Variants in VAC14 observed in about 807,000 individuals in gnomAD.
VAC14 encodes protein VAC14 homolog.
In VAC14, 47 loss-of-function variants were observed where a neutral mutation model predicts 85.3. That is an observed-to-expected ratio of 0.55 (90% confidence interval 0.44 to 0.70). The LOEUF is 0.70. Among genes scored for constraint, VAC14 ranks in the 30% least tolerant of loss-of-function variants. VAC14 has a pLI of 0.00. For missense variants in VAC14, 861 were observed against 1,004.3 expected (o/e 0.86, Z 1.93); for synonymous variants, 447 against 430.5 (o/e 1.04, Z -0.47).
intron 18 of VAC14, chr16:70,689,681 C>T (rs905161770): frequency 1.2e-5 from 12 of 985,506 alleles, no homozygotes; most frequent in East Asian, 1.1e-4. Context: ...CTGGGCCTGG[C>T]GCTCCTGGCT....
chr16:70,695,694 C>A (rs149718718), intron 16 of VAC14, 71 bp from the exon 17 acceptor site: 12 of 1,429,960 alleles, frequency 8.4e-6, no homozygotes, highest in African/African-American at 5.6e-5. Flanking sequence ...CACACGCCCT[C>A]CCCCCCTGCA....
chr16:70,791,167 C>T (rs1469751217), intron 1 of VAC14, among the ~76,000 whole-genome samples: 1 of 152,208 alleles, frequency 6.6e-6, no homozygotes. Context: ...CATGCTGCAC[C>T]TCCCATCTGC....
intron 14 of VAC14, among the ~76,000 whole-genome samples, chr16:70,711,612 T>A (rs1431881726): frequency 6.6e-6 from 1 of 152,064 alleles, no homozygotes; most frequent in Non-Finnish European, 1.5e-5. Context: ...CTGACAGCCA[T>A]GTGGCCTGGC....
At chr16:70,799,879 A>C (rs2034693635) in intron 1 of VAC14, among the ~76,000 whole-genome samples, 1 of 152,234 alleles carries the variant, frequency 6.6e-6, no homozygotes, top group Non-Finnish European at 1.5e-5. Context: ...TGAACACTTG[A>C]AATACGGGTA....
intron 1 of VAC14, among the ~76,000 whole-genome samples, chr16:70,800,398 A>G (rs2034730027): frequency 6.6e-6 from 1 of 152,224 alleles, no homozygotes; most frequent in African/African-American, 2.4e-5. Context: ...GCTGGGTAAG[A>G]AACCAGGCTG....
chr16:70,730,146 T>A (rs945051876), intron 14 of VAC14, among the ~76,000 whole-genome samples: 7 of 151,736 alleles, frequency 4.6e-5, no homozygotes, highest in Non-Finnish European at 1.0e-4. Context: ...CAGTCTCGAA[T>A]CCTCATTCTC....
At chr16:70,690,385 G>T in intron 18 of VAC14, 1 of 985,646 alleles carries the variant, frequency 1.0e-6, no homozygotes, top group Non-Finnish European at 1.2e-6. Flanking sequence ...CCACCCTCGG[G>T]CACCGAGGCT....
At chr16:70,760,996 T>C (rs1283780629) in intron 12 of VAC14, among the ~76,000 whole-genome samples, 1 of 114,336 alleles carries the variant, frequency 8.7e-6, no homozygotes, top group African/African-American at 4.4e-5. Context: ...TGTGTGTGTG[T>C]GTGTGTGTGT....
chr16:70,753,788 G>C (rs529152545), intron 12 of VAC14, among the ~76,000 whole-genome samples: 1 of 152,326 alleles, frequency 6.6e-6, no homozygotes, highest in Admixed American at 6.5e-5. Flanking sequence ...GCTCTGCTGT[G>C]TGGCTTGAGC....
chr16:70,796,493 C>T (rs2034551702), intron 1 of VAC14, among the ~76,000 whole-genome samples: 1 of 152,134 alleles, frequency 6.6e-6, no homozygotes, highest in Admixed American at 6.5e-5. Flanking sequence ...TAGGGAAAAC[C>T]AGTCATGCAG....
intron 10 of VAC14, among the ~76,000 whole-genome samples, chr16:70,765,799 G>A (rs993262310): frequency 6.6e-6 from 1 of 152,174 alleles, no homozygotes; most frequent in African/African-American, 2.4e-5. Flanking sequence ...GCAGCTCCAG[G>A]TGTCCGTGGA....
intron 12 of VAC14, among the ~76,000 whole-genome samples, chr16:70,749,051 A>C (rs1009123273): frequency 2.0e-5 from 3 of 152,352 alleles, no homozygotes; most frequent in South Asian, 2.1e-4. Context: ...TATATGCGCA[A>C]TGGAGATTTG....
intron 10 of VAC14, 187 bp downstream of exon 10, chr16:70,771,922 G>C (rs1285639351): frequency 3.4e-6 from 2 of 592,500 alleles, no homozygotes; most frequent in South Asian, 2.1e-5. Context: ...ATCAAGCCTG[G>C]GTGGGGTGGG....
At chr16:70,707,566 G>A (rs2053944700) in intron 14 of VAC14, among the ~76,000 whole-genome samples, 1 of 152,138 alleles carries the variant, frequency 6.6e-6, no homozygotes, top group Non-Finnish European at 1.5e-5. Flanking sequence ...CTGGGTGGGA[G>A]CTGCCACAGA....
At chr16:70,758,993 G>A (rs1446504462) in intron 12 of VAC14, among the ~76,000 whole-genome samples, 4 of 152,216 alleles carry the variant, frequency 2.6e-5, no homozygotes, top group East Asian at 1.9e-4. Flanking sequence ...GGAGACTAAC[G>A]AGGTGTCACT....
intron 9 of VAC14, among the ~76,000 whole-genome samples, chr16:70,777,325 T>C (rs2033571632): frequency 6.6e-6 from 1 of 152,350 alleles, no homozygotes; most frequent in South Asian, 2.1e-4. Context: ...AAATTTTGTC[T>C]GAAACACACA....
In VAC14 at chr16:70,784,107, C is replaced by T. The variant is rs758692297; in HGVS notation, c.594+6G>A. Reference sequence around the variant, plus strand: ...GCTGGAGAAACGGTGTCCGGCCAGGCCTTACCCAGGAGATGATGAACTGCC... The same window carrying T: ...GCTGGAGAAACGGTGTCCGGCCAGGTCTTACCCAGGAGATGATGAACTGCC... On this transcript the variant is annotated splice_donor_region_variant and intron_variant, in intron 5 of 18. Transcript: ENST00000261776. 1 of 1,613,230 alleles carries T rather than the reference C, an allele frequency of 6.2e-7. No homozygotes were observed. The highest frequency in any genetic ancestry group is 8.5e-7 in the Non-Finnish European group (1 of 1,179,156).
intron 7 of VAC14, among the ~76,000 whole-genome samples, 175 bp from the exon 8 acceptor site, chr16:70,782,178 C>G (rs1017872894): frequency 6.6e-6 from 1 of 152,248 alleles, no homozygotes; most frequent in Non-Finnish European, 1.5e-5. Context: ...GGTGGAGACA[C>G]AGGCTGGGAC....
intron 13 of VAC14, among the ~76,000 whole-genome samples, chr16:70,741,840 G>A (rs907135223): frequency 6.6e-6 from 1 of 152,168 alleles, no homozygotes; most frequent in Non-Finnish European, 1.5e-5. Context: ...ATCTTGGCAC[G>A]GCCAGGAGCT....
Sources: gnomAD v4.1 joint callset for allele counts (sites outside exome capture counted in the v4.1 genomes callset) on GRCh38, gnomAD v4.1.1 for gene constraint, MANE v1.5 for transcripts, NCBI Gene and HGNC (gene_info 2026-07-23, HGNC 2026-07-21) for gene names.